CNTN3: variants seen among roughly 807,000 people sequenced by gnomAD.
The protein encoded by CNTN3 is contactin 3.
In CNTN3, 60 loss-of-function variants were observed where a neutral mutation model predicts 119.1. That is an observed-to-expected ratio of 0.50 (90% CI 0.41 to 0.62). CNTN3 has a LOEUF of 0.62. Ranked by LOEUF, CNTN3 falls within the 20% of genes least tolerant of loss-of-function variation. CNTN3 has a pLI of 0.00. For missense variants in CNTN3, 1,101 were observed against 1,242.4 expected (o/e 0.89, Z 1.71); for synonymous variants, 450 against 438.7 (o/e 1.03, Z -0.32).
At chr3:74,433,567 T>A (rs922029772) in intron 4 of CNTN3, among the ~76,000 whole-genome samples, 1 of 152,134 alleles carries the variant, frequency 6.6e-6, no homozygotes, top group Non-Finnish European at 1.5e-5. Context: ...AGGCACAGGG[T>A]GGACCCTAAG....
At chr3:74,612,488 C>T (rs929358449) in intron 1 of CNTN3, among the ~76,000 whole-genome samples, 3 of 152,128 alleles carry the variant, frequency 2.0e-5, no homozygotes, top group Non-Finnish European at 4.4e-5. Flanking sequence ...TTCATGTCTT[C>T]GGGCTGACAT....
At chr3:74,536,111 C>T (rs1703761507) in intron 1 of CNTN3, among the ~76,000 whole-genome samples, 1 of 152,056 alleles carries the variant, frequency 6.6e-6, no homozygotes. Flanking sequence ...AAAGACATCT[C>T]TGTTATGTAA....
intron 2 of CNTN3, among the ~76,000 whole-genome samples, chr3:74,520,065 T>A (rs558367425): frequency 2.0e-5 from 3 of 151,718 alleles, no homozygotes; most frequent in Admixed American, 2.0e-4. Context: ...CCGCACTCAT[T>A]TTCTTCTTTT....
At chr3:74,525,178 T>C (rs1337519709) in intron 1 of CNTN3, among the ~76,000 whole-genome samples, 2 of 151,862 alleles carry the variant, frequency 1.3e-5, no homozygotes, top group Non-Finnish European at 2.9e-5. Flanking sequence ...AATGTTACTC[T>C]CACCCACAAA....
rs149706714 is a variant in CNTN3 at position 74,556,545 on chromosome 3, A to G, written c.-80-35353T>C. Among the ~76,000 whole-genome samples the G allele has an allele frequency of 2.5e-3, 388 of 152,262 alleles. 2 individuals carry two copies. The highest frequency in any genetic ancestry group is 8.7e-3 in the African/African-American group (363 of 41,564). The stretch of plus-strand genomic sequence containing the variant: ...ACTTTGCTTATTCATTCATAAGTTG[A>G]TGGACTTTAGAATTTTTCCTCTTTG... On this transcript the variant is annotated intron_variant, in intron 1 of 22. Coordinates refer to ENST00000263665, the MANE Select transcript of CNTN3 (RefSeq NM_020872.3).
At chr3:74,387,858 A>G (rs1704793252) in intron 5 of CNTN3, among the ~76,000 whole-genome samples, 1 of 152,224 alleles carries the variant, frequency 6.6e-6, no homozygotes, top group African/African-American at 2.4e-5. Flanking sequence ...ATTCTACTTA[A>G]CTTTTGAAGC....
intron 5 of CNTN3, among the ~76,000 whole-genome samples, chr3:74,394,125 A>G (rs538873810): frequency 6.6e-6 from 1 of 152,326 alleles, no homozygotes; most frequent in African/African-American, 2.4e-5. Flanking sequence ...AACTCAAATT[A>G]ATCTAGAAAT....
At chr3:74,486,344 T>G in intron 4 of CNTN3, 112 bp downstream of exon 4, 3 of 925,680 alleles carry the variant, frequency 3.2e-6, no homozygotes, top group Non-Finnish European at 4.9e-6. Flanking sequence ...TCTCAGTCTA[T>G]TTACTGAATT....
chr3:74,330,355 CAA>C (rs781502877), intron 13 of CNTN3, among the ~76,000 whole-genome samples: 28 of 114,964 alleles, frequency 2.4e-4, no homozygotes, highest in South Asian at 2.8e-4. Context: ...GACCCTGTCT[CAA>C]AAAAAAAAAA....
At chr3:74,414,301 T>A (rs1165099063) in intron 5 of CNTN3, among the ~76,000 whole-genome samples, 2 of 152,200 alleles carry the variant, frequency 1.3e-5, no homozygotes, top group African/African-American at 2.4e-5. Context: ...TAAATGAGTA[T>A]CAAAGTTCCA....
At chr3:74,414,212 C>T (rs1360022839) in intron 5 of CNTN3, among the ~76,000 whole-genome samples, 1 of 152,110 alleles carries the variant, frequency 6.6e-6, no homozygotes, top group East Asian at 1.9e-4. Flanking sequence ...TTAAAATTAT[C>T]CTCATACTTT....
At position 74,395,832 on chromosome 3, in the gene CNTN3, T is replaced by A. The variant is rs1575685321; in HGVS notation, c.455-24433A>T. ...CTAAGTCCATTGGCACCATTTTCCC[T>A]ACAGCGTGTGCTCACTACATGTCTC... On this transcript the variant is annotated intron_variant, in intron 5 of 22. Coordinates refer to ENST00000263665, the MANE Select transcript of CNTN3 (RefSeq NM_020872.3). Among the ~76,000 whole-genome samples, 3 of 152,134 alleles carry A rather than the reference T, an allele frequency of 2.0e-5. No homozygotes were observed. In the South Asian group the frequency reaches 6.2e-4, roughly 32 times the overall value.
chr3:74,395,018 A>G (rs1705010688), intron 5 of CNTN3, among the ~76,000 whole-genome samples: 2 of 152,170 alleles, frequency 1.3e-5, no homozygotes. Context: ...AATAATATAA[A>G]TTAATCTAAT....
intron 20 of CNTN3, among the ~76,000 whole-genome samples, chr3:74,269,027 T>G (rs1230823760): frequency 7.2e-6 from 1 of 138,834 alleles, no homozygotes; most frequent in East Asian, 2.1e-4. Flanking sequence ...CTGAAATGAA[T>G]ACTTTTTGAA....
intron 5 of CNTN3, among the ~76,000 whole-genome samples, chr3:74,421,194 A>G (rs1701610445): frequency 6.6e-6 from 1 of 152,118 alleles, no homozygotes; most frequent in African/African-American, 2.4e-5. Context: ...TTTTTGAGAC[A>G]GAGTCTCGCT....
intron 2 of CNTN3, among the ~76,000 whole-genome samples, chr3:74,513,815 C>A (rs910814092): frequency 4.0e-5 from 6 of 151,822 alleles, no homozygotes; most frequent in Middle Eastern, 3.2e-3. Flanking sequence ...CTTTTGTCAC[C>A]CCTAGTCCTA....
chr3:74,368,732 G>A (rs12106761), intron 8 of CNTN3, among the ~76,000 whole-genome samples: 9,007 of 150,916 alleles, frequency 0.06, 915 homozygotes, highest in African/African-American at 0.2. Context: ...GAATAACACT[G>A]AAGAACTCAA....
intron 4 of CNTN3, among the ~76,000 whole-genome samples, chr3:74,464,071 T>C (rs925183020): frequency 6.6e-6 from 1 of 152,126 alleles, no homozygotes; most frequent in Non-Finnish European, 1.5e-5. Context: ...CAAAAATCTA[T>C]GCAGTAGTTA....
intron 8 of CNTN3, among the ~76,000 whole-genome samples, chr3:74,366,759 CGT>C (rs35769290): frequency 8.1e-4 from 64 of 79,046 alleles, no homozygotes; most frequent in African/African-American, 1.5e-3. Flanking sequence ...TGTGTGTGTG[CGT>C]GTGTGTGTGT....
Sources: gnomAD v4.1 joint callset for allele counts (sites outside exome capture counted in the v4.1 genomes callset) on GRCh38, gnomAD v4.1.1 for gene constraint, MANE v1.5 for transcripts, NCBI Gene and HGNC (gene_info 2026-07-23, HGNC 2026-07-21) for gene names.